DPY19L4: variants seen among roughly 807,000 people sequenced by gnomAD.
DPY19L4 encodes probable C-mannosyltransferase DPY19L4.
In DPY19L4, 97 loss-of-function variants were observed where a neutral mutation model predicts 102.8. That is an observed-to-expected ratio of 0.94 (90% CI 0.80 to 1.12). DPY19L4 has a LOEUF of 1.12. Ranked by LOEUF, DPY19L4 falls within the 50% of genes most tolerant of loss-of-function variation. DPY19L4 has a pLI of 0.00. For missense variants in DPY19L4, 815 were observed against 850.4 expected (o/e 0.96, Z 0.52); for synonymous variants, 252 against 283.1 (o/e 0.89, Z 1.10).
At chr8:94,720,074 G>C in intron 1 of DPY19L4, 60 bp downstream of exon 1, 2 of 1,508,780 alleles carry the variant, frequency 1.3e-6, no homozygotes, top group African/African-American at 1.4e-5. Context: ...AGGAGGGGCG[G>C]GGGCGCTGGA....
intron 6 of DPY19L4, 124 bp downstream of exon 6, chr8:94,739,914 A>G: frequency 8.5e-7 from 1 of 1,172,896 alleles, no homozygotes; most frequent in Non-Finnish European, 1.2e-6. Flanking sequence ...ATATGATGAG[A>G]TGCCATTCCC....
chr8:94,725,285 A>G (rs1319622338), intron 1 of DPY19L4, among the ~76,000 whole-genome samples: 1 of 152,226 alleles, frequency 6.6e-6, no homozygotes, highest in Non-Finnish European at 1.5e-5. Flanking sequence ...ACTTGGCAGG[A>G]ACACTCTGTA....
chr8:94,739,881 A>C (rs775669104), intron 6 of DPY19L4, 91 bp downstream of exon 6: 54 of 1,451,540 alleles, frequency 3.7e-5, no homozygotes, highest in Non-Finnish European at 4.8e-5. Context: ...AACAGTCCTC[A>C]CTCTAATCCT....
rs563358369 is a variant in DPY19L4 at position 94,737,275 on chromosome 8, G to A, written c.253-1094G>A. Among the ~76,000 whole-genome samples, 64 of 151,960 alleles carry A rather than the reference G, an allele frequency of 4.2e-4. 1 individual carries two copies. The South Asian group carries it at 1.0e-2, about 24-fold the overall frequency. On this transcript the variant is annotated intron_variant, in intron 3 of 18. Transcript: ENST00000414645. The stretch of plus-strand genomic sequence containing the variant: ...ATCTCGCCTCACTGCAACCTGTGCC[G>A]CCTGGGTTCAAGCGATTCTCCCACC...
chr8:94,767,295 CTTTT>C (rs5893296), intron 11 of DPY19L4, among the ~76,000 whole-genome samples: 1 of 132,720 alleles, frequency 7.5e-6, no homozygotes, highest in Admixed American at 7.9e-5. Flanking sequence ...AACCAGGAGT[CTTTT>C]TTTTTTTTTT....
At chr8:94,774,778 T>C (rs1813096613) in intron 13 of DPY19L4, among the ~76,000 whole-genome samples, 1 of 152,038 alleles carries the variant, frequency 6.6e-6, no homozygotes, top group African/African-American at 2.4e-5. Context: ...GGTTTCTCCA[T>C]GTTGGTCAGG....
Position 94,789,868 on chromosome 8 carries a change from C to T in DPY19L4, c.2130C>T (p.Tyr710=). Reference sequence around the variant, plus strand: ...CTAGAGTATACTGGAACAGATCCTACTTTGTATATAAAATCAACACTGTGA... The same window carrying T: ...CTAGAGTATACTGGAACAGATCCTATTTTGTATATAAAATCAACACTGTGA... ...YFTRVYWNRS[Y]FVYKINTVIS... is the part of the protein sequence containing the mutation. Residue 710 remains tyrosine (Y), a synonymous_variant, in exon 19 of 19, where the codon TAC becomes TAT. Transcript: ENST00000414645. 1.2e-6 allele frequency: 2 copies of T among 1,605,180 alleles called. No homozygotes were observed. Among genetic ancestry groups the T allele is most frequent in the South Asian group, 1.1e-5 (1 of 88,500 alleles).
intron 10 of DPY19L4, 32 bp downstream of exon 10, chr8:94,765,841 A>G (rs769843350): frequency 7.0e-6 from 9 of 1,286,248 alleles, no homozygotes; most frequent in Non-Finnish European, 8.8e-6. Flanking sequence ...ATATAGTAAA[A>G]CAAAATGAAT....
rs977774813 is a variant in DPY19L4 at position 94,792,306 on chromosome 8, A to ACTGCAACCTCCGCTCG, written c.*2410_*2425dup. ...GAGTGCAATGGCGCGATCTTGGCTC[A>ACTGCAACCTCCGCTCG]CTGCAACCTCCGCTCGCTGCAACCT... On this transcript the variant is annotated 3_prime_UTR_variant, in exon 19 of 19. Transcript: ENST00000414645. The ACTGCAACCTCCGCTCG allele has an allele frequency of 5.9e-5, 9 of 152,208 alleles. No homozygotes were observed. Among genetic ancestry groups the ACTGCAACCTCCGCTCG allele is most frequent in the African/African-American group, 1.9e-4 (8 of 41,508 alleles). 9.4% of individuals were successfully genotyped at this position (152,208 alleles called of 1,614,324 possible). A position where few individuals can be genotyped will look rare whatever the true frequency, so the allele number is the denominator to read the frequency against.
intron 2 of DPY19L4, among the ~76,000 whole-genome samples, chr8:94,730,063 A>G (rs546061096): frequency 4.0e-5 from 6 of 151,586 alleles, no homozygotes; most frequent in Non-Finnish European, 2.9e-5. Flanking sequence ...TTTTCTATGT[A>G]CTTATAGTTT....
intron 13 of DPY19L4, among the ~76,000 whole-genome samples, chr8:94,771,453 C>T (rs1812932449): frequency 6.6e-6 from 1 of 152,214 alleles, no homozygotes; most frequent in South Asian, 2.1e-4. Context: ...GTGGAACAGA[C>T]AGTCTCTAAC....
chr8:94,756,044 C>G lies in DPY19L4; in HGVS notation c.620C>G (p.Thr207Arg). The G allele has an allele frequency of 6.2e-7, 1 of 1,610,224 alleles. No individual in the cohort carries two copies. The highest frequency in any genetic ancestry group is 8.5e-7 in the Non-Finnish European group (1 of 1,179,308). The change falls in exon 7 of 19, where the codon ACA (threonine) becomes AGA (arginine). Residue 207 changes from threonine (T) to arginine (R), a missense_variant. Transcript: ENST00000414645. Reference sequence around the variant, plus strand: ...TCTGTGGTTTATTTTAGGGTAGATACAACAAGAATTGAATACTCCATTCCT... The same window carrying G: ...TCTGTGGTTTATTTTAGGGTAGATAGAACAAGAATTGAATACTCCATTCCT... ...VAWFVINRVD[T>R]TRIEYSIPLR...
chr8:94,777,285 C>T (rs540965542), intron 13 of DPY19L4, among the ~76,000 whole-genome samples: 2 of 151,824 alleles, frequency 1.3e-5, no homozygotes, highest in Admixed American at 1.3e-4. Flanking sequence ...CAGGCTGGTC[C>T]CAAACTCCTG....
At position 94,789,908 on chromosome 8, in the gene DPY19L4, T is replaced by C; in HGVS notation, c.2170T>C (p.Ter724ArgextTer44). 1 of 1,588,852 alleles carries C rather than the reference T, an allele frequency of 6.3e-7. No individual in the cohort carries two copies. Among genetic ancestry groups the C allele is most frequent in the Non-Finnish European group, 8.5e-7 (1 of 1,172,852 alleles). ...CAACACTGTGATATCCTTCCAGTCT[T>C]GAAAAATAACAGAGCCTTCATTTCA... The part of the protein sequence containing the change: ...KINTVISFQS[*>R] Residue 724 changes from the stop codon to arginine (R), a stop_lost, in exon 19 of 19, where the codon TGA (stop) becomes CGA (arginine). Coordinates refer to ENST00000414645, the MANE Select transcript of DPY19L4 (RefSeq NM_181787.3).
At chr8:94,780,048 A>G (rs892316247) in intron 14 of DPY19L4, among the ~76,000 whole-genome samples, 1 of 152,160 alleles carries the variant, frequency 6.6e-6, no homozygotes, top group Non-Finnish European at 1.5e-5. Flanking sequence ...TGTATAACAT[A>G]AATTTCTGGC....
At chr8:94,769,207 A>G (rs1377521803) in intron 12 of DPY19L4, among the ~76,000 whole-genome samples, 1 of 151,160 alleles carries the variant, frequency 6.6e-6, no homozygotes, top group Non-Finnish European at 1.5e-5. Flanking sequence ...GATGACAGGC[A>G]TGCGCTGCCA....
At chr8:94,762,214 C>T (rs1812422477) in intron 8 of DPY19L4, among the ~76,000 whole-genome samples, 1 of 152,154 alleles carries the variant, frequency 6.6e-6, no homozygotes, top group Admixed American at 6.5e-5. Context: ...AAATGAGACC[C>T]AGGCGTCTGA....
At chr8:94,721,331 T>TGTTTACTGATGTGTG (rs957839718) in intron 1 of DPY19L4, among the ~76,000 whole-genome samples, 3 of 152,214 alleles carry the variant, frequency 2.0e-5, no homozygotes, top group African/African-American at 7.2e-5. Flanking sequence ...GCATAAGAAG[T>TGTTTACTGATGTGTG]GTTTACTGAT....
intron 14 of DPY19L4, among the ~76,000 whole-genome samples, chr8:94,779,229 A>AC (rs1297775400): frequency 2.6e-5 from 4 of 151,386 alleles, no homozygotes; most frequent in Non-Finnish European, 4.4e-5. Context: ...TAAAAAAAAA[A>AC]AACCAAGGCT....
Sources: allele counts gnomAD v4.1 joint callset (sites outside exome capture counted in the v4.1 genomes callset), GRCh38; gene constraint gnomAD v4.1.1; transcripts MANE v1.5; gene names NCBI Gene and HGNC (gene_info 2026-07-23, HGNC 2026-07-21).